The following TNFAIP8 variants were observed in gnomAD, a reference collection of about 807,000 sequenced individuals.
The protein encoded by TNFAIP8 is tumor necrosis factor alpha-induced protein 8.
A neutral mutation model predicts 13.3 loss-of-function variants in TNFAIP8; 7 were observed. That is an observed-to-expected ratio of 0.52 (90% CI 0.30 to 0.99). The LOEUF (loss-of-function observed/expected upper bound fraction) is 0.99, where lower values mean the gene tolerates loss of function less well. TNFAIP8 is among the 50% of genes least tolerant of loss of function. The pLI is 0.07. For synonymous variants in TNFAIP8, 94 were observed against 87.6 expected (o/e 1.07, Z -0.41); for missense variants, 258 against 236.9 (o/e 1.09, Z -0.58).
intron 1 of TNFAIP8, among the ~76,000 whole-genome samples, chr5:119,390,372 G>A (rs1752846243): frequency 6.6e-6 from 1 of 152,098 alleles, no homozygotes; most frequent in Non-Finnish European, 1.5e-5. Flanking sequence ...TGGTTTTAAT[G>A]TGATACTGTT....
At chr5:119,273,719 G>C (rs948410683) in intron 1 of TNFAIP8, among the ~76,000 whole-genome samples, 1 of 152,204 alleles carries the variant, frequency 6.6e-6, no homozygotes, top group African/African-American at 2.4e-5. Context: ...GCTGCCCTTG[G>C]TGTTGCAAAG....
At chr5:119,360,781 C>T (rs1003217372) in intron 1 of TNFAIP8, among the ~76,000 whole-genome samples, 1 of 152,170 alleles carries the variant, frequency 6.6e-6, no homozygotes, top group Non-Finnish European at 1.5e-5. Context: ...TTCACTACCT[C>T]TTGGGGGGAT....
chr5:119,345,910 T>C (rs562532017), intron 1 of TNFAIP8, among the ~76,000 whole-genome samples: 1 of 152,128 alleles, frequency 6.6e-6, no homozygotes, highest in Non-Finnish European at 1.5e-5. Context: ...AAAAGAAAAC[T>C]GTTAAGAAAA....
intron 1 of TNFAIP8, among the ~76,000 whole-genome samples, chr5:119,304,088 T>A (rs778061154): frequency 3.3e-5 from 5 of 152,116 alleles, no homozygotes; most frequent in Non-Finnish European, 5.9e-5. Flanking sequence ...TCTTTCTGAT[T>A]TTCTTTTTTC....
intron 1 of TNFAIP8, among the ~76,000 whole-genome samples, chr5:119,360,848 G>T (rs1027809350): frequency 1.3e-5 from 2 of 152,150 alleles, no homozygotes; most frequent in Non-Finnish European, 1.5e-5. Context: ...CACCTTCTAC[G>T]TGTAACTCAA....
intron 1 of TNFAIP8, among the ~76,000 whole-genome samples, chr5:119,288,149 C>G (rs1748860918): frequency 6.6e-6 from 1 of 152,178 alleles, no homozygotes; most frequent in Non-Finnish European, 1.5e-5. Context: ...TCTCATATTC[C>G]TTTCCATCCT....
chr5:119,333,123 A>G, intron 1 of TNFAIP8: 1 of 791,206 alleles, frequency 1.3e-6, no homozygotes, highest in Non-Finnish European at 1.5e-6. Context: ...TTTTCTAAGT[A>G]TCTGTTTCTA....
chr5:119,392,677 A>T, intron 1 of TNFAIP8, 139 bp from the exon 2 acceptor site: 1 of 1,012,920 alleles, frequency 9.9e-7, no homozygotes, highest in Non-Finnish European at 1.4e-6. Flanking sequence ...AACAGAGACT[A>T]ATGTCGGTAG....
chr5:119,370,232 A>G (rs534764367), intron 1 of TNFAIP8, among the ~76,000 whole-genome samples: 2 of 152,314 alleles, frequency 1.3e-5, no homozygotes, highest in African/African-American at 4.8e-5. Flanking sequence ...CCAGAAGCTT[A>G]TTACTAGTTA....
intron 1 of TNFAIP8, chr5:119,391,535 A>AGAG: frequency 4.7e-6 from 3 of 641,846 alleles, no homozygotes; most frequent in Non-Finnish European, 8.6e-6. Context: ...TGAGATGGGC[A>AGAG]GATCACCTGA....
intron 1 of TNFAIP8, among the ~76,000 whole-genome samples, chr5:119,294,118 C>T (rs1191126138): frequency 6.6e-6 from 1 of 151,836 alleles, no homozygotes; most frequent in Non-Finnish European, 1.5e-5. Context: ...CATATGTATA[C>T]ATGTGCCATG....
intron 1 of TNFAIP8, among the ~76,000 whole-genome samples, chr5:119,317,504 T>G (rs1468170694): frequency 1.3e-5 from 2 of 151,294 alleles, no homozygotes; most frequent in Non-Finnish European, 2.9e-5. Flanking sequence ...ATCAGTTTTC[T>G]TTAATTTTGA....
At chr5:119,329,687 G>A (rs964656871) in intron 1 of TNFAIP8, among the ~76,000 whole-genome samples, 10 of 152,026 alleles carry the variant, frequency 6.6e-5, no homozygotes, top group Admixed American at 2.6e-4. Flanking sequence ...CCTGTAATCC[G>A]AGGATAATGA....
upstream of TNFAIP8, among the ~76,000 whole-genome samples, chr5:119,351,029 T>TA (rs1243187759): frequency 1.5e-5 from 2 of 135,870 alleles, no homozygotes; most frequent in African/African-American, 6.7e-5. Flanking sequence ...TGTGTGTGTG[T>TA]GTGTGTAGAG....
chr5:119,370,402 T>G (rs1029071238), intron 1 of TNFAIP8, among the ~76,000 whole-genome samples: 1 of 152,338 alleles, frequency 6.6e-6, no homozygotes, highest in Non-Finnish European at 1.5e-5. Context: ...ATTTAACAAC[T>G]AAAATCCCAG....
intron 1 of TNFAIP8, among the ~76,000 whole-genome samples, chr5:119,286,534 A>G (rs1748804197): frequency 2.0e-5 from 3 of 151,980 alleles, no homozygotes; most frequent in Admixed American, 2.0e-4. Context: ...AGGCAGGAGA[A>G]TGGCGAGAAC....
chr5:119,300,681 A>G (rs1326300438), intron 1 of TNFAIP8, among the ~76,000 whole-genome samples: 2 of 152,206 alleles, frequency 1.3e-5, no homozygotes, highest in African/African-American at 4.8e-5. Context: ...GGCACAGAGA[A>G]ACTGAATAAC....
At chr5:119,340,743 G>A (rs894103328) in intron 1 of TNFAIP8, among the ~76,000 whole-genome samples, 1 of 152,202 alleles carries the variant, frequency 6.6e-6, no homozygotes, top group Non-Finnish European at 1.5e-5. Flanking sequence ...CACAGTTTCT[G>A]TGGTATGTGC....
At position 119,268,977 on chromosome 5, in the gene TNFAIP8, C is replaced by T. The variant is rs1343409022; in HGVS notation, c.1+70C>T. ...GCCTCTCCCGCCGCTGGGCTGCGGG[C>T]TGCTCTCGGGGAGCGCCTCCGGCTC... On this transcript the variant is annotated intron_variant, in intron 1 of 1. Coordinates refer to the TNFAIP8 transcript ENST00000274456. 6.2e-6 allele frequency: 4 copies of T among 649,350 alleles called. No individual in the cohort carries two copies. The African/African-American group carries it at 7.6e-5, about 12-fold the overall frequency. 40.2% of individuals were successfully genotyped at this position (649,350 alleles called of 1,614,324 possible).
Sources: allele counts gnomAD v4.1 joint callset (sites outside exome capture counted in the v4.1 genomes callset), GRCh38; gene constraint gnomAD v4.1.1; transcripts MANE v1.5; gene names NCBI Gene and HGNC (gene_info 2026-07-23, HGNC 2026-07-21).